Variants in VWA8 observed in about 807,000 individuals in gnomAD.
The protein encoded by VWA8 is von Willebrand factor A domain containing 8, also known as von Willebrand factor A domain-containing protein 8.
Under a neutral mutation model 241.5 loss-of-function variants are expected in VWA8, and 221 were observed. The observed-to-expected ratio is 0.91, with a 90% CI of 0.82 to 1.02. The LOEUF is 1.02. Ranked by LOEUF, VWA8 falls within the 50% of genes least tolerant of loss-of-function variation. The pLI is 0.00. For missense variants in VWA8, 2,322 were observed against 2,328.7 expected (o/e 1.00, Z 0.06); for synonymous variants, 852 against 827.1 (o/e 1.03, Z -0.52).
intron 21 of VWA8, among the ~76,000 whole-genome samples, chr13:41,740,296 T>G (rs1314615923): frequency 1.3e-5 from 2 of 152,236 alleles, no homozygotes; most frequent in Non-Finnish European, 2.9e-5. Context: ...TTTTTAAAAT[T>G]TAAAACTTCT....
At chr13:41,733,927 TAAAAC>T (rs1258723087) in intron 21 of VWA8, among the ~76,000 whole-genome samples, 9 of 152,316 alleles carry the variant, frequency 5.9e-5, no homozygotes, top group Admixed American at 1.3e-4. Flanking sequence ...TAGTGCAGGA[TAAAAC>T]ACATGGACTT....
At chr13:41,921,055 A>T (rs968667651) in intron 2 of VWA8, among the ~76,000 whole-genome samples, 1 of 152,214 alleles carries the variant, frequency 6.6e-6, no homozygotes, top group African/African-American at 2.4e-5. Flanking sequence ...CTGGCAAACC[A>T]AAAACAGCAG....
intron 37 of VWA8, among the ~76,000 whole-genome samples, chr13:41,645,554 C>A (rs779701852): frequency 6.4e-4 from 98 of 152,268 alleles, no homozygotes; most frequent in Middle Eastern, 3.4e-3. Flanking sequence ...ATGGCTCTGG[C>A]AGCTGATATT....
At chr13:41,579,704 C>A (rs2044370761) in intron 42 of VWA8, among the ~76,000 whole-genome samples, 1 of 152,190 alleles carries the variant, frequency 6.6e-6, no homozygotes, top group African/African-American at 2.4e-5. Flanking sequence ...TATCTCATCT[C>A]ATTTTGATTT....
chr13:41,615,994 G>T (rs2044618150), intron 37 of VWA8, among the ~76,000 whole-genome samples: 1 of 152,318 alleles, frequency 6.6e-6, no homozygotes, highest in South Asian at 2.1e-4. Context: ...AAAATGTACT[G>T]ATGGAACATT....
rs976115439 is a variant in VWA8 at position 41,616,075 on chromosome 13, C to A, written c.4612-991G>T. Among the ~76,000 whole-genome samples the A allele has an allele frequency of 6.0e-4, 91 of 152,202 alleles. 3 individuals are homozygous for A. The highest frequency in any genetic ancestry group is 1.5e-5 in the Non-Finnish European group (1 of 68,030). The stretch of plus-strand genomic sequence containing the variant: ...TGCCCTCAAACTGCTTACAGTGGAA[C>A]AAGAGAGCTTACAAATAAATGGGCC... On this transcript the variant is annotated intron_variant, in intron 37 of 44. Transcript: ENST00000379310.
intron 21 of VWA8, among the ~76,000 whole-genome samples, chr13:41,755,689 T>C (rs997812700): frequency 7.2e-5 from 11 of 151,914 alleles, no homozygotes; most frequent in Non-Finnish European, 1.5e-4. Flanking sequence ...ATGGTATCTC[T>C]AATCCTTTAA....
chr13:41,864,227 T>C (rs897245336), intron 12 of VWA8, among the ~76,000 whole-genome samples: 6 of 151,080 alleles, frequency 4.0e-5, no homozygotes, highest in African/African-American at 1.5e-4. Context: ...GGAATGAAAA[T>C]GGTGCAGCTG....
At chr13:41,615,937 G>A (rs1472873112) in intron 37 of VWA8, among the ~76,000 whole-genome samples, 1 of 152,174 alleles carries the variant, frequency 6.6e-6, no homozygotes, top group African/African-American at 2.4e-5. Flanking sequence ...TGATTTCCCA[G>A]AAGACAAGAT....
chr13:41,815,033 C>CA (rs1417877308), intron 16 of VWA8, among the ~76,000 whole-genome samples: 2 of 152,168 alleles, frequency 1.3e-5, no homozygotes, highest in African/African-American at 2.4e-5. Flanking sequence ...TAGAGAGCTT[C>CA]AGGAAGGCCT....
rs79746323 is a variant in VWA8, at chr13:41,934,434, C to A, written c.241+15502G>T. Among the ~76,000 whole-genome samples, 6 of 151,880 alleles carry A rather than the reference C, an allele frequency of 4.0e-5. No individual in the cohort carries two copies. The East Asian group carries it at 1.2e-3, about 29-fold the overall frequency. On this transcript the variant is annotated intron_variant, in intron 2 of 44. Coordinates refer to ENST00000379310, the MANE Select transcript of VWA8 (RefSeq NM_015058.2). Reference sequence around the variant, plus strand: ...CATTTCTTAAAAAGTTAAACATCTACCGCATGATGCAGGTATTTACACAAG... The same window carrying A: ...CATTTCTTAAAAAGTTAAACATCTAACGCATGATGCAGGTATTTACACAAG...
intron 12 of VWA8, among the ~76,000 whole-genome samples, chr13:41,863,435 ATATAT>A (rs1873125628): frequency 1.5e-5 from 1 of 67,094 alleles, no homozygotes; most frequent in Non-Finnish European, 3.2e-5. Flanking sequence ...GTGTGTGTGT[ATATAT>A]ATATATATAT....
chr13:41,674,591 G>A (rs548723858), intron 36 of VWA8, among the ~76,000 whole-genome samples: 52 of 152,340 alleles, frequency 3.4e-4, no homozygotes, highest in African/African-American at 1.2e-3. Context: ...GATGCACCCA[G>A]AAAGGGACGG....
At chr13:41,583,727 T>G (rs1270357494) in intron 42 of VWA8, among the ~76,000 whole-genome samples, 1 of 150,670 alleles carries the variant, frequency 6.6e-6, no homozygotes, top group Non-Finnish European at 1.5e-5. Context: ...TAAGAGTGAC[T>G]GTCATGAAAA....
chr13:41,853,076 T>C (rs1420182811), intron 12 of VWA8, among the ~76,000 whole-genome samples: 1 of 152,162 alleles, frequency 6.6e-6, no homozygotes, highest in Admixed American at 6.5e-5. Context: ...ATCATGTCAT[T>C]TGGAAACAGA....
At chr13:41,845,189 G>A (rs191961134) in intron 12 of VWA8, among the ~76,000 whole-genome samples, 7 of 152,086 alleles carry the variant, frequency 4.6e-5, no homozygotes, top group African/African-American at 1.7e-4. Flanking sequence ...AAAAACATAC[G>A]AAAAAATGCT....
intron 28 of VWA8, among the ~76,000 whole-genome samples, chr13:41,700,446 A>G (rs9562337): frequency 0.21 from 31,717 of 152,064 alleles, 3,270 homozygotes; most frequent in Non-Finnish European, 0.23. Context: ...ATTATCAGAT[A>G]GAACCACAGA....
At chr13:41,707,601 C>T (rs2045290705) in intron 26 of VWA8, among the ~76,000 whole-genome samples, 1 of 152,152 alleles carries the variant, frequency 6.6e-6, no homozygotes, top group African/African-American at 2.4e-5. Context: ...TAATTTCTGG[C>T]AAAAATTAAG....
intron 20 of VWA8, among the ~76,000 whole-genome samples, chr13:41,776,573 G>C (rs1868604025): frequency 6.6e-6 from 1 of 152,168 alleles, no homozygotes; most frequent in African/African-American, 2.4e-5. Context: ...TTTAAAAAAT[G>C]AAACAAGAGA....
Sources: gnomAD v4.1 joint callset for allele counts (sites outside exome capture counted in the v4.1 genomes callset) on GRCh38, gnomAD v4.1.1 for gene constraint, MANE v1.5 for transcripts, NCBI Gene and HGNC (gene_info 2026-07-23, HGNC 2026-07-21) for gene names.